Variants in SEL1L3 observed in about 807,000 individuals in gnomAD.
SEL1L3 encodes the protein SEL1L family member 3.
In SEL1L3, 76 loss-of-function variants were observed where a neutral mutation model predicts 142.8. The observed-to-expected ratio is 0.53, with a 90% CI of 0.44 to 0.64. SEL1L3 has a LOEUF of 0.64. SEL1L3 is among the 30% of genes least tolerant of loss of function. SEL1L3 has a pLI of 0.00. For synonymous variants in SEL1L3, 504 were observed against 519.6 expected (o/e 0.97, Z 0.41); for missense variants, 1,262 against 1,381.7 (o/e 0.91, Z 1.37).
chr4:25,850,551 T>A (rs913072633), intron 1 of SEL1L3, among the ~76,000 whole-genome samples: 1 of 152,214 alleles, frequency 6.6e-6, no homozygotes, highest in Admixed American at 6.5e-5. Flanking sequence ...ATAAATGCAC[T>A]CACCCTCTGG....
At chr4:25,822,289 C>T (rs1714815847) in intron 6 of SEL1L3, among the ~76,000 whole-genome samples, 161 bp from the exon 7 acceptor site, 1 of 152,170 alleles carries the variant, frequency 6.6e-6, no homozygotes, top group South Asian at 2.1e-4. Context: ...TGGACTTCGG[C>T]TAGGATCCCA....
chr4:25,744,194 G>C (rs1427234544), downstream of SEL1L3, among the ~76,000 whole-genome samples: 2 of 152,100 alleles, frequency 1.3e-5, no homozygotes, highest in Middle Eastern at 3.2e-3. Context: ...CATGGTGTAA[G>C]GGCTGTTGGT....
the SEL1L3 span, among the ~76,000 whole-genome samples, chr4:25,740,853 C>T: frequency 1.3e-5 from 2 of 151,886 alleles, no homozygotes; most frequent in Non-Finnish European, 2.9e-5. Flanking sequence ...GGTGCGATCT[C>T]GGCTTACTGC....
intron 9 of SEL1L3, among the ~76,000 whole-genome samples, chr4:25,808,186 C>T (rs1221812997): frequency 6.6e-6 from 1 of 152,098 alleles, no homozygotes; most frequent in Non-Finnish European, 1.5e-5. Context: ...CAATCTGTAA[C>T]TAAAAACATG....
the SEL1L3 span, among the ~76,000 whole-genome samples, chr4:25,724,451 G>GA: frequency 6.6e-5 from 10 of 150,872 alleles, no homozygotes; most frequent in Non-Finnish European, 1.5e-4. Context: ...TAAAAGAAAA[G>GA]AAAAAAAAGG....
At chr4:25,838,352 C>T (rs193010163) in intron 2 of SEL1L3, among the ~76,000 whole-genome samples, 45 of 152,268 alleles carry the variant, frequency 3.0e-4, no homozygotes, top group African/African-American at 1.1e-3. Context: ...TGTATTATTT[C>T]CTCAAATTTT....
At chr4:25,789,089 A>G (rs1318750220) in intron 12 of SEL1L3, among the ~76,000 whole-genome samples, 2 of 152,146 alleles carry the variant, frequency 1.3e-5, no homozygotes, top group African/African-American at 4.8e-5. Context: ...ACTGCAGACC[A>G]AGGACATATG....
chr4:25,722,624 CTT>C, the SEL1L3 span, among the ~76,000 whole-genome samples: 16 of 103,570 alleles, frequency 1.5e-4, no homozygotes, highest in East Asian at 4.3e-4. Flanking sequence ...CCAAAGGAGG[CTT>C]TTTTTTTTTT....
the SEL1L3 span, among the ~76,000 whole-genome samples, chr4:25,733,690 T>C: frequency 6.6e-6 from 1 of 151,992 alleles, no homozygotes; most frequent in Middle Eastern, 3.2e-3. Flanking sequence ...CCGGCTAATT[T>C]TTGTATTTTT....
chr4:25,745,582 C>T (rs1717236925), downstream of SEL1L3, among the ~76,000 whole-genome samples: 1 of 152,206 alleles, frequency 6.6e-6, no homozygotes, highest in Non-Finnish European at 1.5e-5. Flanking sequence ...TGTGATTTTG[C>T]TCCCAAGGAG....
chr4:25,752,893 G>A (rs776790463), intron 23 of SEL1L3, among the ~76,000 whole-genome samples: 2 of 152,242 alleles, frequency 1.3e-5, no homozygotes, highest in Non-Finnish European at 2.9e-5. Flanking sequence ...AGTGCTAGGC[G>A]TGAGCCACTG....
chr4:25,759,582 C>A (rs999723807), intron 20 of SEL1L3: 3 of 155,442 alleles, frequency 1.9e-5, no homozygotes, highest in Non-Finnish European at 2.9e-5. Context: ...GGTGCAGAAA[C>A]CTCTTCTCAT....
At chr4:25,774,199 G>C (rs895366761) in intron 17 of SEL1L3, among the ~76,000 whole-genome samples, 1 of 152,164 alleles carries the variant, frequency 6.6e-6, no homozygotes, top group Admixed American at 6.6e-5. Flanking sequence ...AAAAGCCAGC[G>C]CAAGGGCTCA....
At chr4:25,818,323 G>C (rs748588487) in intron 8 of SEL1L3, 45 bp from the exon 9 acceptor site, 7 of 1,520,448 alleles carry the variant, frequency 4.6e-6, no homozygotes, top group Non-Finnish European at 6.2e-6. Context: ...TTTAGCAGAA[G>C]ATAAGACTCA....
Position 25,754,713 on chromosome 4 carries a change from C to T in SEL1L3, c.3259+2821G>A, listed in dbSNP as rs1320517620. On this transcript the variant is annotated intron_variant, in intron 23 of 23. Transcript: ENST00000399878. Reference sequence around the variant, plus strand: ...AGAAATGCCAAATCTCAGGGCTTACCTACTGAACCAAAATCTACTGAACTA... The same window carrying T: ...AGAAATGCCAAATCTCAGGGCTTACTTACTGAACCAAAATCTACTGAACTA... Among the ~76,000 whole-genome samples the T allele has an allele frequency of 3.3e-5, 5 of 152,170 alleles. No individual in the cohort carries two copies. The South Asian group carries it at 1.0e-3, about 32-fold the overall frequency.
intron 8 of SEL1L3, 42 bp downstream of exon 8, chr4:25,819,766 T>C (rs758414817): frequency 6.4e-7 from 1 of 1,569,630 alleles, no homozygotes; most frequent in Non-Finnish European, 8.6e-7. Flanking sequence ...TTTATGTAAA[T>C]GCACAGAGCT....
intron 2 of SEL1L3, among the ~76,000 whole-genome samples, chr4:25,840,137 G>A (rs1394415962): frequency 6.6e-6 from 1 of 152,168 alleles, no homozygotes; most frequent in Non-Finnish European, 1.5e-5. Flanking sequence ...GAAAGGTTGA[G>A]AATAATACTG....
intron 17 of SEL1L3, among the ~76,000 whole-genome samples, chr4:25,774,155 A>C (rs1176899620): frequency 1.3e-5 from 2 of 152,334 alleles, no homozygotes; most frequent in African/African-American, 4.8e-5. Flanking sequence ...AACAAAAGGA[A>C]ATAAGGAGTT....
chr4:25,792,424 C>T (rs1308350334), intron 11 of SEL1L3, among the ~76,000 whole-genome samples: 1 of 152,180 alleles, frequency 6.6e-6, no homozygotes, highest in East Asian at 1.9e-4. Flanking sequence ...CCAATCTGGG[C>T]ACAGACCACT....
Sources: allele counts gnomAD v4.1 joint callset (sites outside exome capture counted in the v4.1 genomes callset), GRCh38; gene constraint gnomAD v4.1.1; transcripts MANE v1.5; gene names NCBI Gene and HGNC (gene_info 2026-07-23, HGNC 2026-07-21).